The following CELF2 variants were observed in gnomAD, a reference collection of about 807,000 sequenced individuals.
CELF2 encodes the protein CUG triplet repeat RNA-binding protein 2.
A neutral mutation model predicts 62.6 loss-of-function variants in CELF2; 8 were observed. The observed-to-expected ratio is 0.13, with a 90% CI of 0.07 to 0.23. The LOEUF (loss-of-function observed/expected upper bound fraction) is 0.23. Among genes scored for constraint, CELF2 ranks in the 10% least tolerant of loss-of-function variants. The pLI is 1.00. For synonymous variants in CELF2, 258 were observed against 250.0 expected, an observed-to-expected ratio of 1.03 and a Z score of -0.30; for missense variants, 333 against 671.0, an observed-to-expected ratio of 0.50 and a Z score of 5.56.
the CELF2 span, among the ~76,000 whole-genome samples, chr10:10,586,524 G>A: frequency 1.3e-5 from 2 of 152,156 alleles, no homozygotes; most frequent in African/African-American, 4.8e-5. Flanking sequence ...TCATGAAAAA[G>A]TGTGTCATTT....
At chr10:11,182,261 G>A (rs1273260889) in intron 2 of CELF2, among the ~76,000 whole-genome samples, 1 of 152,156 alleles carries the variant, frequency 6.6e-6, no homozygotes, top group African/African-American at 2.4e-5. Flanking sequence ...GGGGAGCGGG[G>A]CAGCAAACAG....
chr10:10,762,705 T>A, the CELF2 span, among the ~76,000 whole-genome samples: 1 of 152,028 alleles, frequency 6.6e-6, no homozygotes, highest in Non-Finnish European at 1.5e-5. Context: ...GCACTTACCC[T>A]CTATGGTGAG....
At chr10:10,760,215 T>C in the CELF2 span, among the ~76,000 whole-genome samples, 3 of 152,208 alleles carry the variant, frequency 2.0e-5, no homozygotes, top group South Asian at 4.2e-4. Flanking sequence ...AAATCATTTT[T>C]ACCACTGTTG....
the CELF2 span, among the ~76,000 whole-genome samples, chr10:10,521,075 A>G: frequency 6.6e-6 from 1 of 152,204 alleles, no homozygotes; most frequent in Non-Finnish European, 1.5e-5. Flanking sequence ...ATCTGAGACA[A>G]GCAGGGTCAG....
At chr10:10,618,179 G>A in the CELF2 span, among the ~76,000 whole-genome samples, 1 of 151,942 alleles carries the variant, frequency 6.6e-6, no homozygotes, top group African/African-American at 2.4e-5. Context: ...CAAGCCTGAA[G>A]GATCTTTTCA....
At chr10:10,656,027 A>G in the CELF2 span, among the ~76,000 whole-genome samples, 1 of 149,842 alleles carries the variant, frequency 6.7e-6, no homozygotes, top group Non-Finnish European at 1.5e-5. Flanking sequence ...AATTTACAAG[A>G]AAAAAAAACA....
chr10:11,188,975 C>T (rs2134365678), intron 2 of CELF2, among the ~76,000 whole-genome samples: 1 of 152,278 alleles, frequency 6.6e-6, no homozygotes, highest in African/African-American at 2.4e-5. Context: ...TCGGATCTTT[C>T]TTAGATCTTC....
the CELF2 span, among the ~76,000 whole-genome samples, chr10:10,651,561 C>G: frequency 7.5e-6 from 1 of 132,712 alleles, no homozygotes; most frequent in Non-Finnish European, 1.7e-5. Context: ...GGGTCCCTGA[C>G]CCCTGACCCC....
chr10:10,792,218 C>A, the CELF2 span, among the ~76,000 whole-genome samples: 1 of 152,182 alleles, frequency 6.6e-6, no homozygotes, highest in African/African-American at 2.4e-5. Flanking sequence ...AATAATCAAT[C>A]AATATTTGTG....
At chr10:10,895,159 A>T (rs1436168353) in intron 1 of CELF2, among the ~76,000 whole-genome samples, 2 of 152,172 alleles carry the variant, frequency 1.3e-5, no homozygotes, top group Non-Finnish European at 2.9e-5. Flanking sequence ...CAAGATTTGA[A>T]CCCAGGAGAT....
chr10:10,802,002 T>G (rs1309321145), intron 1 of CELF2, among the ~76,000 whole-genome samples: 1 of 152,106 alleles, frequency 6.6e-6, no homozygotes, highest in East Asian at 1.9e-4. Flanking sequence ...CCAAGGGACA[T>G]AAAAGAAACC....
In CELF2 at chr10:11,297,831, A is replaced by G. The variant is rs570735881; in HGVS notation, c.976+9279A>G. Among the ~76,000 whole-genome samples the G allele has an allele frequency of 6.6e-6, 1 of 152,154 alleles. No homozygotes were observed. The highest frequency in any genetic ancestry group is 2.4e-5 in the African/African-American group (1 of 41,520). On this transcript the variant is annotated intron_variant, in intron 9 of 12. Coordinates refer to ENST00000633077, the MANE Select transcript of CELF2 (RefSeq NM_001326342.2). This position sits in a 1 kb window ranked among gnomAD's most constrained non-coding sequence, Gnocchi z 4.4. ...CCCTGTCTATACTAAAAATACAAAA[A>G]TTAGCCGGGTATGGTGGTGCACACC...
At chr10:10,834,506 C>G (rs9633764) in intron 1 of CELF2, among the ~76,000 whole-genome samples, 93,033 of 151,564 alleles carry the variant, frequency 0.61, 30,163 homozygotes, top group East Asian at 0.95. Flanking sequence ...ACAGGACAGG[C>G]GACAGCCCAG....
chr10:11,194,850 C>A (rs2057007548), intron 2 of CELF2, among the ~76,000 whole-genome samples: 1 of 152,072 alleles, frequency 6.6e-6, no homozygotes, highest in Admixed American at 6.6e-5. Context: ...AGCAATAATC[C>A]CTCATATTTT....
At chr10:10,963,029 GTT>G (rs1472776011) in intron 2 of CELF2, among the ~76,000 whole-genome samples, 7 of 151,438 alleles carry the variant, frequency 4.6e-5, no homozygotes, top group African/African-American at 1.7e-4. Flanking sequence ...GTTTTGTTTT[GTT>G]TTGTTTTGTT....
chr10:10,508,704 G>GTGTGTGTA, the CELF2 span, among the ~76,000 whole-genome samples: 118 of 60,918 alleles, frequency 1.9e-3, no homozygotes, highest in African/African-American at 5.9e-3. Context: ...GTGTGTGTGT[G>GTGTGTGTA]TATATTTTTT....
the CELF2 span, among the ~76,000 whole-genome samples, chr10:10,790,564 T>A: frequency 6.6e-6 from 1 of 152,094 alleles, no homozygotes; most frequent in African/African-American, 2.4e-5. Context: ...GGATAGATGT[T>A]TACAAAGAAA....
In CELF2 at chr10:11,173,131, T is replaced by C. The variant is rs79568994; in HGVS notation, c.271+7449T>C. Among the ~76,000 whole-genome samples, 838 of 152,306 alleles carry C rather than the reference T, an allele frequency of 5.5e-3. 8 individuals are homozygous for C. The highest frequency in any genetic ancestry group is 0.019 in the African/African-American group (792 of 41,566). Reference sequence around the variant, plus strand: ...TTATTTGCAGCCAGCAAGAAAGAGATAGCTCCCCACTAGAGATGTCTTACC... The same window carrying C: ...TTATTTGCAGCCAGCAAGAAAGAGACAGCTCCCCACTAGAGATGTCTTACC... On this transcript the variant is annotated intron_variant, in intron 2 of 12. Coordinates refer to ENST00000633077, the MANE Select transcript of CELF2 (RefSeq NM_001326342.2).
rs187989790 is a variant in CELF2 at position 11,251,316 on chromosome 10, G to T, written c.403+2115G>T. Among the ~76,000 whole-genome samples the T allele has an allele frequency of 2.4e-4, 27 of 113,324 alleles. No homozygotes were observed. The Admixed American group carries it at 2.7e-3, about 11-fold the overall frequency. 74.3% of individuals were successfully genotyped at this position (113,324 alleles called of 152,430 possible). A position where few individuals can be genotyped will look rare whatever the true frequency, so the allele number is the denominator to read the frequency against. ...TTTTTTTGCATTTTCTGCTGTGCAG[G>T]TATTCATTTGCCTCAGAGAACCCTT... is the stretch of plus-strand genomic sequence containing the variant. On this transcript the variant is annotated intron_variant, in intron 4 of 12. Transcript: ENST00000633077.
Sources: allele counts gnomAD v4.1 joint callset (sites outside exome capture counted in the v4.1 genomes callset), GRCh38; gene constraint gnomAD v4.1.1; non-coding constraint Gnocchi (gnomAD v3.1); transcripts MANE v1.5; gene names NCBI Gene and HGNC (gene_info 2026-07-23, HGNC 2026-07-21).